SHROOM2: variants seen among roughly 807,000 people sequenced by gnomAD.
The protein encoded by SHROOM2 is protein Shroom2.
SHROOM2 carries 33 observed loss-of-function variants against 75.9 expected under a neutral mutation model. That is an observed-to-expected ratio of 0.43 (90% CI 0.33 to 0.58). The LOEUF is 0.58. Ranked by LOEUF, SHROOM2 falls within the 20% of genes least tolerant of loss-of-function variation. The pLI, the probability that SHROOM2 is intolerant of heterozygous loss-of-function variation, is 0.04. For missense variants in SHROOM2, 1,434 were observed against 1,461.2 expected (o/e 0.98, Z 0.30); for synonymous variants, 655 against 663.6 (o/e 0.99, Z 0.20).
chrX:9,843,683 G>A (rs923511577), intron 1 of SHROOM2, among the ~76,000 whole-genome samples: 2 of 112,648 alleles, frequency 1.8e-5, no homozygotes, highest in African/African-American at 6.4e-5. Context: ...TTACAGGCGT[G>A]AGCCACTGCG....
chrX:9,930,247 T>C (rs965419601), intron 5 of SHROOM2, among the ~76,000 whole-genome samples: 3 of 111,711 alleles, frequency 2.7e-5, no homozygotes, highest in African/African-American at 9.8e-5. Context: ...CTGGGCGCAG[T>C]GACTCACACC....
Position 9,896,667 on chromosome X carries a change from G to A in SHROOM2, c.2759G>A (p.Arg920Gln), listed in dbSNP as rs760948573. The change falls in exon 4 of 10, where the codon CGG becomes CAG. Residue 920 changes from arginine (R) to glutamine (Q), a missense_variant. Arg to Gln is a conservative substitution (Grantham distance 43). Coordinates refer to ENST00000380913, the MANE Select transcript of SHROOM2 (RefSeq NM_001649.4). ...CCGCAGCACGTTCATGGGAGGTCCC[G>A]GTCTTCACCGTCCACAGACCACTAC... ...ERPQHVHGRS[R>Q]SSPSTDHYKQ... The A allele has an allele frequency of 4.2e-6, 5 of 1,195,235 alleles. No individual in the cohort carries two copies. The highest frequency in any genetic ancestry group is 3.0e-5 in the East Asian group (1 of 33,280).
rs1349058144 is a variant in SHROOM2 at position 9,818,232 on chromosome X, C to T, written c.165+31522C>T. ...CAATGTTAAGCTAGGTTGTATCCAT[C>T]CCATTAAATGGCATCAATATCAATG... On this transcript the variant is annotated intron_variant, in intron 1 of 9. Coordinates refer to ENST00000380913, the MANE Select transcript of SHROOM2 (RefSeq NM_001649.4). The T allele has an allele frequency of 6.7e-5, 13 of 194,971 alleles. No individual in the cohort carries two copies. The Admixed American group carries it at 6.9e-4, about 10-fold the overall frequency. The allele number at this position is 194,971 out of a possible 1,213,427, so 16.1% of individuals were successfully genotyped here. A position where few individuals can be genotyped will look rare whatever the true frequency, so the allele number is the denominator to read the frequency against.
chrX:9,900,600 A>G (rs2084360558), intron 5 of SHROOM2, among the ~76,000 whole-genome samples: 1 of 112,135 alleles, frequency 8.9e-6, no homozygotes, highest in Non-Finnish European at 1.9e-5. Context: ...AATAGAGATA[A>G]CATTTTTTGT....
At chrX:9,914,075 G>A (rs866654503) in intron 5 of SHROOM2, among the ~76,000 whole-genome samples, 6 of 18,398 alleles carry the variant, frequency 3.3e-4, no homozygotes, top group African/African-American at 7.7e-4. Flanking sequence ...CTGCCCCCCC[G>A]CCCCTCCCGC....
chrX:9,839,821 A>G (rs1601938885), intron 1 of SHROOM2, among the ~76,000 whole-genome samples: 2 of 112,012 alleles, frequency 1.8e-5, no homozygotes, highest in Middle Eastern at 4.6e-3. Context: ...CCACAGGGAG[A>G]ACAAAGAGAG....
In SHROOM2 at chrX:9,895,226, G is replaced by A. The variant is rs151274823; in HGVS notation, c.1318G>A (p.Ala440Thr). ...PLYSDHSPLC[A>T]DSLGQEPGAA... Reference sequence around the variant, plus strand: ...ATACAGCGACCACAGCCCCCTCTGTGCTGACAGCCTTGGGCAGGAGCCAGG... The same window carrying A: ...ATACAGCGACCACAGCCCCCTCTGTACTGACAGCCTTGGGCAGGAGCCAGG... The change falls in exon 4 of 10, where the codon GCT (alanine) becomes ACT (threonine). Residue 440 changes from alanine (A) to threonine (T), a missense_variant. Ala to Thr is a moderately conservative substitution (Grantham distance 58). This residue lies in a region of SHROOM2 where 1,340 missense variants were observed against 1,338.3 expected (regional missense o/e 1.00). Transcript: ENST00000380913. 2,293 of 1,201,610 alleles carry A rather than the reference G, an allele frequency of 1.9e-3. 6 individuals carry two copies. Among genetic ancestry groups the A allele is most frequent in the South Asian group, 0.011 (620 of 55,235 alleles).
chrX:9,802,042 G>A (rs1298455549), intron 1 of SHROOM2, among the ~76,000 whole-genome samples: 1 of 111,284 alleles, frequency 9.0e-6, no homozygotes, highest in African/African-American at 3.3e-5. Context: ...TAACCAATTT[G>A]AAGGTAGATG....
intron 1 of SHROOM2, among the ~76,000 whole-genome samples, chrX:9,868,227 TA>T: frequency 9.3e-6 from 1 of 107,077 alleles, no homozygotes; most frequent in Non-Finnish European, 1.9e-5. Flanking sequence ...TTTTTATTTT[TA>T]TTTTTATTTT....
At chrX:9,791,968 C>CGAGAATAGAATAGAATAGAA (rs2083651299) in intron 1 of SHROOM2, among the ~76,000 whole-genome samples, 1 of 62,802 alleles carries the variant, frequency 1.6e-5, no homozygotes, top group Non-Finnish European at 3.2e-5. Context: ...AACTCCATCT[C>CGAGAATAGAATAGAATAGAA]GAGAATAGAA....
intron 8 of SHROOM2, 51 bp from the exon 9 acceptor site, chrX:9,944,590 G>A: frequency 8.7e-7 from 1 of 1,145,686 alleles, no homozygotes; most frequent in Non-Finnish European, 1.2e-6. Context: ...CCGGGGTGGG[G>A]GCCGGCCTAA....
chrX:9,941,321 C>T (rs2084766458), intron 8 of SHROOM2, among the ~76,000 whole-genome samples: 2 of 111,711 alleles, frequency 1.8e-5, no homozygotes, highest in Admixed American at 9.5e-5. Flanking sequence ...TGGAAAGCCA[C>T]GCACTGCAAG....
intron 1 of SHROOM2, among the ~76,000 whole-genome samples, chrX:9,844,951 C>T (rs1426022300): frequency 8.9e-6 from 1 of 112,022 alleles, no homozygotes; most frequent in Non-Finnish European, 1.9e-5. Flanking sequence ...ACCATCACCT[C>T]CAATCTCCTG....
chrX:9,836,204 C>G lies in SHROOM2; in HGVS notation c.166-37448C>G, dbSNP rs1046161291. Among the ~76,000 whole-genome samples the G allele has an allele frequency of 6.2e-5, 7 of 112,103 alleles. No homozygotes were observed. In the East Asian group the frequency reaches 2.0e-3, roughly 32 times the overall value. On this transcript the variant is annotated intron_variant, in intron 1 of 9. Coordinates refer to ENST00000380913, the MANE Select transcript of SHROOM2 (RefSeq NM_001649.4). ...GAGTGGAAAGGCCCATGTCCCCTCT[C>G]CCAGCTCCTCTTTTTAGTGGACAGC...
chrX:9,896,395 G>A lies in SHROOM2; in HGVS notation c.2487G>A (p.Pro829=), dbSNP rs778477756. ...TCCCGAGAGACAAGCCAGAGAGGCC[G>A]CGGACAGCGGGCCGCACATGTGAGG... is the stretch of plus-strand genomic sequence containing the variant. ...HGIPRDKPER[P]RTAGRTCEGT... is the part of the protein sequence containing the mutation. Residue 829 remains proline, a synonymous_variant, in exon 4 of 10, where the codon CCG becomes CCA. Transcript: ENST00000380913. The A allele has an allele frequency of 6.6e-6, 8 of 1,211,382 alleles. No individual in the cohort carries two copies. Among genetic ancestry groups the A allele is most frequent in the Admixed American group, 2.2e-5 (1 of 46,026 alleles).
intron 1 of SHROOM2, among the ~76,000 whole-genome samples, chrX:9,823,106 T>TCCTTCTCCTTCTC (rs1555924344): frequency 1.0e-4 from 2 of 19,230 alleles, no homozygotes; most frequent in Non-Finnish European, 2.2e-4. Context: ...TTCTCCCTTC[T>TCCTTCTCCTTCTC]CCTTCTCCTT....
intron 5 of SHROOM2, among the ~76,000 whole-genome samples, chrX:9,919,477 G>C (rs192709187): frequency 9.3e-6 from 1 of 107,534 alleles, no homozygotes; most frequent in Admixed American, 1.0e-4. Flanking sequence ...GACTACAGGC[G>C]CCCACCACCA....
At chrX:9,902,429 G>A (rs920932170) in intron 5 of SHROOM2, among the ~76,000 whole-genome samples, 8 of 111,504 alleles carry the variant, frequency 7.2e-5, no homozygotes, top group Non-Finnish European at 1.5e-4. Context: ...ATGGATTGGT[G>A]GCTGAATGGA....
chrX:9,808,662 G>C (rs758436522), intron 1 of SHROOM2, among the ~76,000 whole-genome samples: 2 of 110,794 alleles, frequency 1.8e-5, no homozygotes, highest in Admixed American at 9.7e-5. Context: ...AGGAGTTCGA[G>C]ACCAGCCTGG....
Sources: gnomAD v4.1 joint callset for allele counts (sites outside exome capture counted in the v4.1 genomes callset) on GRCh38, gnomAD v4.1.1 for gene constraint, gnomAD v4.1.1 regional missense constraint, MANE v1.5 for transcripts, NCBI Gene and HGNC (gene_info 2026-07-23, HGNC 2026-07-21) for gene names.